The following SEPTIN10 variants were observed in gnomAD, a reference collection of about 807,000 sequenced individuals.
SEPTIN10 encodes the protein septin-10.
SEPTIN10 carries 66 observed loss-of-function variants against 54.8 expected under a neutral mutation model. The ratio of observed to expected loss-of-function variants is 1.21; its 90% CI spans 0.99 to 1.48. The LOEUF (loss-of-function observed/expected upper bound fraction) is 1.48, where lower values mean the gene tolerates loss of function less well. Among genes scored for constraint, SEPTIN10 ranks in the 40% most tolerant of loss-of-function variants. The pLI is 0.00. For missense variants in SEPTIN10, 620 were observed against 545.6 expected (o/e 1.14, Z -1.36); for synonymous variants, 161 against 181.0 (o/e 0.89, Z 0.89).
intron 9 of SEPTIN10, among the ~76,000 whole-genome samples, chr2:109,550,568 C>T (rs1448024324): frequency 6.6e-6 from 1 of 152,092 alleles, no homozygotes; most frequent in Non-Finnish European, 1.5e-5. Context: ...CCCACCTCGG[C>T]CTCCCGAAGT....
chr2:109,608,434 A>T (rs1295251998), intron 1 of SEPTIN10, among the ~76,000 whole-genome samples: 3 of 152,224 alleles, frequency 2.0e-5, no homozygotes, highest in Admixed American at 2.0e-4. Context: ...GATAAACTTG[A>T]TCTGATTCTT....
chr2:109,599,991 C>T (rs1016054101), intron 1 of SEPTIN10, among the ~76,000 whole-genome samples: 15 of 152,292 alleles, frequency 9.8e-5, no homozygotes, highest in Admixed American at 6.5e-4. Context: ...TCAAGCAATA[C>T]CTAGTCCTGT....
intron 4 of SEPTIN10, 127 bp downstream of exon 4, chr2:109,584,999 T>A: frequency 2.2e-6 from 1 of 446,356 alleles, no homozygotes. Flanking sequence ...ATTTTATTTT[T>A]AAAACAATGT....
At chr2:109,608,468 A>G (rs2106322614) in intron 1 of SEPTIN10, among the ~76,000 whole-genome samples, 1 of 152,358 alleles carries the variant, frequency 6.6e-6, no homozygotes, top group South Asian at 2.1e-4. Context: ...AAAGGAAATC[A>G]GAGAATAGCC....
chr2:109,545,150 A>G (rs1680854936), intron 10 of SEPTIN10: 1 of 985,230 alleles, frequency 1.0e-6, no homozygotes, highest in Non-Finnish European at 1.2e-6. Flanking sequence ...GGAACATGGG[A>G]GCATGCAACG....
At chr2:109,566,815 G>C (rs1687139188) in intron 6 of SEPTIN10, among the ~76,000 whole-genome samples, 2 of 152,024 alleles carry the variant, frequency 1.3e-5, no homozygotes, top group Admixed American at 1.3e-4. Context: ...GGAGTAGACT[G>C]GTCTGTCTGA....
intron 8 of SEPTIN10, among the ~76,000 whole-genome samples, chr2:109,557,400 AC>A (rs1366429492): frequency 1.3e-5 from 2 of 152,188 alleles, no homozygotes; most frequent in Non-Finnish European, 2.9e-5. Flanking sequence ...ACCCTGAAGA[AC>A]AAGCCCTGAC....
At chr2:109,568,373 CTTTT>C (rs5833333) in intron 5 of SEPTIN10, among the ~76,000 whole-genome samples, 1 of 129,160 alleles carries the variant, frequency 7.7e-6, no homozygotes. Context: ...GCCACACAAT[CTTTT>C]TTTTTTTTTT....
At position 109,585,341 on chromosome 2, in the gene SEPTIN10, A is replaced by C. The variant is rs746286500; in HGVS notation, c.218-20T>G. The C allele has an allele frequency of 9.6e-6, 15 of 1,569,076 alleles. No individual in the cohort carries two copies. The Admixed American group carries it at 1.7e-4, about 17-fold the overall frequency. ...TTTCCCCTGAAACACACAAAGGTAC[A>C]TCTTTATGGTTGCATGAATGGCTGA... On this transcript the variant is annotated intron_variant, in intron 3 of 10. Coordinates refer to ENST00000397712, the MANE Select transcript of SEPTIN10 (RefSeq NM_144710.5).
chr2:109,559,162 A>G (rs910227600), intron 8 of SEPTIN10, among the ~76,000 whole-genome samples: 1 of 152,254 alleles, frequency 6.6e-6, no homozygotes, highest in East Asian at 1.9e-4. Context: ...CTGAAATTAC[A>G]GGCATAAGCC....
At chr2:109,580,298 C>G (rs759202340) in intron 4 of SEPTIN10, among the ~76,000 whole-genome samples, 8 of 149,316 alleles carry the variant, frequency 5.4e-5, no homozygotes, top group Non-Finnish European at 1.0e-4. Flanking sequence ...GTTACTCTAA[C>G]TCACCTTACT....
At position 109,585,254 on chromosome 2, in the gene SEPTIN10, T is replaced by C. The variant is rs1009273415; in HGVS notation, c.285A>G (p.Glu95=). The change falls in exon 4 of 11, where the codon GAA becomes GAG. Residue 95 remains glutamate (E), a synonymous_variant. Transcript: ENST00000397712. ...TLFNTNFEDY[E]SSHFCPNVKL... ...TAACATTTGGGCAAAAATGTGAGGA[T>C]TCATAGTCTTCAAAATTAGTATTAA... The C allele has an allele frequency of 6.8e-6, 11 of 1,613,222 alleles. No individual in the cohort carries two copies. Among genetic ancestry groups the C allele is most frequent in the Admixed American group, 3.3e-5 (2 of 59,860 alleles).
intron 8 of SEPTIN10, among the ~76,000 whole-genome samples, chr2:109,555,404 T>C (rs995839485): frequency 2.6e-5 from 4 of 152,184 alleles, no homozygotes; most frequent in Non-Finnish European, 5.9e-5. Flanking sequence ...CATGCTGTCC[T>C]GCTCATCCTC....
At chr2:109,545,553 T>A (rs552470356) in intron 10 of SEPTIN10, 15 of 1,535,540 alleles carry the variant, frequency 9.8e-6, no homozygotes, top group Admixed American at 2.0e-5. Flanking sequence ...CTTATTAAAA[T>A]AAAAATTCTC....
intron 1 of SEPTIN10, among the ~76,000 whole-genome samples, chr2:109,602,680 T>TAA (rs1180569816): frequency 8.4e-5 from 8 of 95,076 alleles, no homozygotes; most frequent in Admixed American, 3.2e-4. Flanking sequence ...CATCTCAAAT[T>TAA]AAAAAAAAAA....
chr2:109,554,096 G>A (rs1683779904), intron 8 of SEPTIN10, among the ~76,000 whole-genome samples: 1 of 152,084 alleles, frequency 6.6e-6, no homozygotes, highest in Non-Finnish European at 1.5e-5. Flanking sequence ...TGAAATAAAT[G>A]TTAGCTATAT....
At chr2:109,579,214 A>C (rs6725792) in intron 4 of SEPTIN10, among the ~76,000 whole-genome samples, 20,492 of 152,138 alleles carry the variant, frequency 0.13, 1,864 homozygotes, top group African/African-American at 0.26. Flanking sequence ...TATAACTTAC[A>C]AAACTGTCTC....
intron 1 of SEPTIN10, among the ~76,000 whole-genome samples, chr2:109,597,779 T>C (rs1350979643): frequency 6.6e-6 from 1 of 152,210 alleles, no homozygotes; most frequent in Non-Finnish European, 1.5e-5. Context: ...AGACGTGGGA[T>C]AGCTGGAGGA....
At chr2:109,571,539 A>G (rs998486936) in intron 5 of SEPTIN10, among the ~76,000 whole-genome samples, 3 of 152,234 alleles carry the variant, frequency 2.0e-5, no homozygotes, top group Admixed American at 6.5e-5. Flanking sequence ...AAGTATGTGT[A>G]TATCTAAACA....
Sources: allele counts gnomAD v4.1 joint callset (sites outside exome capture counted in the v4.1 genomes callset), GRCh38; gene constraint gnomAD v4.1.1; transcripts MANE v1.5; gene names NCBI Gene and HGNC (gene_info 2026-07-23, HGNC 2026-07-21).